Variants in GRM8 observed in about 807,000 individuals in gnomAD.
The protein encoded by GRM8 is metabotropic glutamate receptor 8.
GRM8 carries 47 observed loss-of-function variants against 87.2 expected under a neutral mutation model. The ratio of observed to expected loss-of-function variants is 0.54; its 90% CI spans 0.43 to 0.69. GRM8 has a LOEUF of 0.69. Ranked by LOEUF, GRM8 falls within the 30% of genes least tolerant of loss-of-function variation. The pLI is 0.00. For missense variants in GRM8, 1,019 were observed against 1,139.2 expected (o/e 0.89, Z 1.52); for synonymous variants, 396 against 404.5 (o/e 0.98, Z 0.25).
At chr7:127,072,792 G>A (rs1821847265) in intron 3 of GRM8, among the ~76,000 whole-genome samples, 1 of 152,030 alleles carries the variant, frequency 6.6e-6, no homozygotes, top group South Asian at 2.1e-4. Context: ...AGCTGTAGGT[G>A]TTTTTCCAAC....
intron 2 of GRM8, chr7:127,118,195 C>G (rs1361955): frequency 0.7 from 106,636 of 152,150 alleles, 39,116 homozygotes; most frequent in African/African-American, 0.89. Flanking sequence ...TGAGGTTAAA[C>G]GTCTTCATTC....
In GRM8 at chr7:126,462,629, G is replaced by A. The variant is rs151306251; in HGVS notation, c.2431-16257C>T. Among the ~76,000 whole-genome samples, 370 of 151,766 alleles carry A rather than the reference G, an allele frequency of 2.4e-3. 1 individual carries two copies. The highest frequency in any genetic ancestry group is 8.3e-3 in the African/African-American group (344 of 41,498). On this transcript the variant is annotated intron_variant, in intron 9 of 10. Coordinates refer to ENST00000339582, the MANE Select transcript of GRM8 (RefSeq NM_000845.3). Reference sequence around the variant, plus strand: ...TAAAACTATGTTCCTAAGAGTAGGAGTAAAGAATTATGTGGATAAATTATT... The same window carrying A: ...TAAAACTATGTTCCTAAGAGTAGGAATAAAGAATTATGTGGATAAATTATT...
At chr7:126,779,949 T>G in intron 6 of GRM8, among the ~76,000 whole-genome samples, 1 of 152,200 alleles carries the variant, frequency 6.6e-6, no homozygotes, top group Non-Finnish European at 1.5e-5. Context: ...TGACCTATGT[T>G]GCATGGCTGC....
At chr7:126,887,713 A>T (rs1257572529) in intron 6 of GRM8, among the ~76,000 whole-genome samples, 2 of 152,066 alleles carry the variant, frequency 1.3e-5, no homozygotes, top group Non-Finnish European at 1.5e-5. Context: ...ATCTGTCCTA[A>T]AAGGTCATTT....
intron 3 of GRM8, among the ~76,000 whole-genome samples, chr7:127,103,347 T>A (rs1472893620): frequency 6.6e-6 from 1 of 152,138 alleles, no homozygotes; most frequent in Non-Finnish European, 1.5e-5. Flanking sequence ...GATCTCTCAT[T>A]GCTTGGTGCT....
intron 7 of GRM8, among the ~76,000 whole-genome samples, chr7:126,660,353 G>A (rs1030736995): frequency 1.3e-5 from 2 of 152,120 alleles, no homozygotes; most frequent in African/African-American, 4.8e-5. Flanking sequence ...TCTATATAAA[G>A]TGCAAGGCAT....
chr7:126,608,958 G>T (rs1012715860), intron 8 of GRM8, among the ~76,000 whole-genome samples: 3 of 151,696 alleles, frequency 2.0e-5, no homozygotes, highest in Non-Finnish European at 4.4e-5. Context: ...GTAGAGATGG[G>T]GTTTCACCTT....
chr7:126,534,856 A>G (rs1012155857), intron 8 of GRM8, among the ~76,000 whole-genome samples: 1 of 152,190 alleles, frequency 6.6e-6, no homozygotes, highest in Admixed American at 6.5e-5. Context: ...AAGCTCTATG[A>G]AGTGAGTAAT....
At position 127,213,995 on chromosome 7, in the gene GRM8, A is replaced by G. The variant is rs186366880; in HGVS notation, c.510+28700T>C. ...GAATGTGGCATATTCACACAATAGA[A>G]TACTAAATTAAATAAGAAAAGTATA... On this transcript the variant is annotated intron_variant, in intron 2 of 10. Coordinates refer to ENST00000339582, the MANE Select transcript of GRM8 (RefSeq NM_000845.3). Among the ~76,000 whole-genome samples, 10 of 152,370 alleles carry G rather than the reference A, an allele frequency of 6.6e-5. No homozygotes were observed. In the East Asian group the frequency reaches 1.7e-3, roughly 26 times the overall value.
At chr7:126,439,217 C>A (rs1216841099) in intron 10 of GRM8, 49 bp from the exon 11 acceptor site, 1 of 1,000,086 alleles carries the variant, frequency 1.0e-6, no homozygotes, top group East Asian at 2.4e-5. Context: ...ATAATACATC[C>A]TTTTGTTAAT....
chr7:126,903,390 C>CAT (rs75731700), intron 5 of GRM8, among the ~76,000 whole-genome samples: 1 of 151,816 alleles, frequency 6.6e-6, no homozygotes, highest in Non-Finnish European at 1.5e-5. Context: ...AGCCCAGCAT[C>CAT]ATATATATTC....
At chr7:126,482,349 G>A (rs1364338141) in intron 9 of GRM8, among the ~76,000 whole-genome samples, 1 of 151,984 alleles carries the variant, frequency 6.6e-6, no homozygotes, top group Non-Finnish European at 1.5e-5. Context: ...ATATTTGTAT[G>A]CCCATGTTGA....
intron 2 of GRM8, among the ~76,000 whole-genome samples, chr7:127,185,328 T>C (rs1794677077): frequency 6.6e-6 from 1 of 151,966 alleles, no homozygotes; most frequent in Non-Finnish European, 1.5e-5. Context: ...AATCAACTGC[T>C]CTTTGACACA....
chr7:126,480,219 T>TTA (rs1806506812), intron 9 of GRM8, among the ~76,000 whole-genome samples: 1 of 151,936 alleles, frequency 6.6e-6, no homozygotes, highest in African/African-American at 2.4e-5. Context: ...ACTCTCTCTC[T>TTA]ACTAAAAATA....
chr7:127,081,524 T>C (rs1434466348), intron 3 of GRM8, among the ~76,000 whole-genome samples: 2 of 152,158 alleles, frequency 1.3e-5, no homozygotes, highest in East Asian at 3.8e-4. Flanking sequence ...TTGGGTGAGT[T>C]AATGCCTGTC....
At chr7:126,943,875 G>T (rs1204554) in intron 3 of GRM8, among the ~76,000 whole-genome samples, 112,732 of 152,182 alleles carry the variant, frequency 0.74, 41,903 homozygotes, top group East Asian at 0.97. Flanking sequence ...TTCACTTGTC[G>T]AAGGAAGGCA....
intron 6 of GRM8, among the ~76,000 whole-genome samples, chr7:126,777,400 A>G (rs962335766): frequency 5.3e-5 from 8 of 152,304 alleles, no homozygotes; most frequent in African/African-American, 1.9e-4. Context: ...AGTAAACGGC[A>G]ATTTAAAATC....
Position 126,596,882 on chromosome 7 carries a change from A to T in GRM8, c.1494+12480T>A, listed in dbSNP as rs1436594341. ...AAAAACTATGTAAAAGGGACATGGA[A>T]TCTTAATTATTTCCTACAACTGCAA... On this transcript the variant is annotated intron_variant, in intron 8 of 10. Coordinates refer to ENST00000339582, the MANE Select transcript of GRM8 (RefSeq NM_000845.3). 2.0e-5 allele frequency among the ~76,000 whole-genome samples: 3 copies of T among 152,166 alleles called. No homozygotes were observed. The East Asian group carries it at 5.8e-4, about 29-fold the overall frequency.
At chr7:126,574,937 TCA>T (rs1794985866) in intron 8 of GRM8, among the ~76,000 whole-genome samples, 1 of 152,130 alleles carries the variant, frequency 6.6e-6, no homozygotes, top group Non-Finnish European at 1.5e-5. Context: ...ATAACATGAC[TCA>T]CAGTCTTCTG....
Sources: gnomAD v4.1 joint callset for allele counts (sites outside exome capture counted in the v4.1 genomes callset) on GRCh38, gnomAD v4.1.1 for gene constraint, MANE v1.5 for transcripts, NCBI Gene and HGNC (gene_info 2026-07-23, HGNC 2026-07-21) for gene names.